Variants in SPZ1 observed in about 807,000 individuals in gnomAD.
SPZ1 encodes spermatogenic leucine zipper 1.
For missense variants in SPZ1, 408 were observed against 486.2 expected, an observed-to-expected ratio of 0.84 and a Z score of 1.51; for synonymous variants, 160 against 167.6, an observed-to-expected ratio of 0.95 and a Z score of 0.35.
At position 80,320,404 on chromosome 5, in the gene SPZ1, A is replaced by G. The variant is rs1427780846; in HGVS notation, c.189A>G (p.Gln63=). Reference sequence around the variant, plus strand: ...ATAGCAGCCATCAAGTTACAGAACAACAGACTGCACAGAAGTTTAACAATC... The same window carrying G: ...ATAGCAGCCATCAAGTTACAGAACAGCAGACTGCACAGAAGTTTAACAATC... The part of the protein sequence containing the change: ...LKNSSHQVTE[Q]QTAQKFNNLL... Residue 63 remains glutamine (Q), a synonymous_variant, in exon 1 of 1, where the codon CAA becomes CAG. Transcript: ENST00000296739. 5 of 1,614,114 alleles carry G rather than the reference A, an allele frequency of 3.1e-6. No individual in the cohort carries two copies. Among genetic ancestry groups the G allele is most frequent in the Non-Finnish European group, 4.2e-6 (5 of 1,180,032 alleles).
chr5:80,321,422 A>G lies in SPZ1; in HGVS notation c.1207A>G (p.Lys403Glu). Residue 403 changes from lysine to glutamate, a missense_variant, in exon 1 of 1, where the codon AAG (lysine) becomes GAG (glutamate). By Grantham distance (56) the Lys-to-Glu change is moderately conservative. Transcript: ENST00000296739. ...TAGAAGCCTGGATGTTTGTCTTAAT[A>G]AGAAAGCTTGCAATACCCAGTTCAA... The part of the protein sequence containing the change: ...SCRSLDVCLN[K>E]KACNTQFNIH... The G allele has an allele frequency of 1.2e-6, 2 of 1,611,398 alleles. No individual in the cohort carries two copies. Among genetic ancestry groups the G allele is most frequent in the South Asian group, 2.2e-5 (2 of 90,268 alleles).
In SPZ1 at chr5:80,320,748, G is replaced by A. The variant is rs1416231483; in HGVS notation, c.533G>A (p.Ser178Asn). 1 of 1,613,672 alleles carries A rather than the reference G, an allele frequency of 6.2e-7. No individual in the cohort carries two copies. Among genetic ancestry groups the A allele is most frequent in the Admixed American group, 1.7e-5 (1 of 59,964 alleles). ...ATGTTATCAACAAACCTGCCTGTTA[G>A]TTTAGCCCCAGAGAAAGAAGACAAT... ...NEMLSTNLPV[S>N]LAPEKEDNEK... Residue 178 changes from serine to asparagine, a missense_variant, in exon 1 of 1, where the codon AGT becomes AAT. Ser to Asn is a conservative substitution (Grantham distance 46). Transcript: ENST00000296739.
Position 80,320,811 on chromosome 5 carries a change from C to T in SPZ1, c.596C>T (p.Ser199Phe). ...KQQMIMENQN[S>F]ENTAQVFARD... The stretch of plus-strand genomic sequence containing the variant: ...CAGATGATAATGGAAAACCAGAACT[C>T]TGAGAACACCGCACAAGTTTTTGCA... The change falls in exon 1 of 1, where the codon TCT becomes TTT. Residue 199 changes from serine (S) to phenylalanine (F), a missense_variant. Physicochemically the swap from Ser to Phe is radical, Grantham distance 155 (BLOSUM62 -2). Transcript: ENST00000296739. 6.2e-7 allele frequency: 1 copy of T among 1,614,126 alleles called. No homozygotes were observed. The highest frequency in any genetic ancestry group is 8.5e-7 in the Non-Finnish European group (1 of 1,180,036).
Position 80,320,596 on chromosome 5 carries a change from G to T in SPZ1, c.381G>T (p.Leu127=). 4 of 1,613,114 alleles carry T rather than the reference G, an allele frequency of 2.5e-6. No homozygotes were observed. Among genetic ancestry groups the T allele is most frequent in the Non-Finnish European group, 3.4e-6 (4 of 1,179,714 alleles). The change falls in exon 1 of 1, where the codon CTG becomes CTT. Residue 127 remains leucine, a synonymous_variant. Coordinates refer to ENST00000296739, the MANE Select transcript of SPZ1 (RefSeq NM_032567.4). The stretch of plus-strand genomic sequence containing the variant: ...TCAATGAAATGTTATCAACAAACCT[G>T]CCTGTTAGTTTAGCCCCAGAGAAAG... ...DKINEMLSTN[L]PVSLAPEKED...
rs752776369 is a variant in SPZ1 at position 80,320,878 on chromosome 5, C to G, written c.663C>G (p.Asn221Lys). The change falls in exon 1 of 1, where the codon AAC becomes AAG. Residue 221 changes from asparagine (N) to lysine (K), a missense_variant. Coordinates refer to ENST00000296739, the MANE Select transcript of SPZ1 (RefSeq NM_032567.4). ...VNRLEEKKVL[N>K]ETQQSQEKAK... ...GTTTAGAAGAAAAAAAAGTCCTTAA[C>G]GAAACTCAACAAAGTCAGGAAAAAG... 6.2e-7 allele frequency: 1 copy of G among 1,611,360 alleles called. No individual in the cohort carries two copies. The highest frequency in any genetic ancestry group is 8.5e-7 in the Non-Finnish European group (1 of 1,179,550).
Position 80,321,373 on chromosome 5 carries a change from A to G in SPZ1, c.1158A>G (p.Thr386=). ...YKQNKQAMKG[T]FWKKDRSCRS... is the part of the protein sequence containing the mutation. ...AGAACAAGCAAGCAATGAAGGGTAC[A>G]TTTTGGAAAAAAGACAGATCCTGTA... The change falls in exon 1 of 1, where the codon ACA becomes ACG. Residue 386 remains threonine, a synonymous_variant. Transcript: ENST00000296739. 1 of 1,613,836 alleles carries G rather than the reference A, an allele frequency of 6.2e-7. No homozygotes were observed. Among genetic ancestry groups the G allele is most frequent in the Middle Eastern group, 1.7e-4 (1 of 6,060 alleles).
In SPZ1 at chr5:80,320,326, C is replaced by A; in HGVS notation, c.111C>A (p.Phe37Leu). ...YLDPRITIALFEIGSHSPSSW... is the reference protein window; with the variant it reads ...YLDPRITIALLEIGSHSPSSW... ...ACCCTAGGATTACCATTGCCTTATT[C>A]GAAATTGGATCACATTCCCCTTCCT... The change falls in exon 1 of 1, where the codon TTC becomes TTA. Residue 37 changes from phenylalanine (F) to leucine (L), a missense_variant. Coordinates refer to ENST00000296739, the MANE Select transcript of SPZ1 (RefSeq NM_032567.4). 3 of 1,614,052 alleles carry A rather than the reference C, an allele frequency of 1.9e-6. No individual in the cohort carries two copies. The highest frequency in any genetic ancestry group is 2.5e-6 in the Non-Finnish European group (3 of 1,179,990).
In SPZ1 at chr5:80,320,767, A is replaced by G; in HGVS notation, c.552A>G (p.Glu184=). The part of the protein sequence containing the change: ...NLPVSLAPEK[E]DNEKKQQMIM... ...CTGTTAGTTTAGCCCCAGAGAAAGA[A>G]GACAATGAAAAGAAACAGCAGATGA... Residue 184 remains glutamate (E), a synonymous_variant, in exon 1 of 1, where the codon GAA becomes GAG. Transcript: ENST00000296739. 2.5e-6 allele frequency: 4 copies of G among 1,614,190 alleles called. No individual in the cohort carries two copies. The highest frequency in any genetic ancestry group is 2.2e-5 in the South Asian group (2 of 91,060).
Position 80,321,295 on chromosome 5 carries a change from G to A in SPZ1, c.1080G>A (p.Gln360=). 6.2e-7 allele frequency: 1 copy of A among 1,610,404 alleles called. No individual in the cohort carries two copies. The highest frequency in any genetic ancestry group is 8.5e-7 in the Non-Finnish European group (1 of 1,179,192). ...QEKPIQINYK[Q]DKKNQKPSEA... ...AGCCAATTCAGATAAACTATAAACA[G>A]GACAAGAAAAATCAGAAGCCATCAG... Residue 360 remains glutamine (Q), a synonymous_variant, in exon 1 of 1, where the codon CAG becomes CAA. Transcript: ENST00000296739.
At position 80,321,562 on chromosome 5, in the gene SPZ1, C is replaced by T. The variant is rs1743555965; in HGVS notation, c.*54C>T. ...ATCCTTAAAAAACTACATCTGTTAC[C>T]TCCAACTTGTCAGTCATGATCAATC... On this transcript the variant is annotated 3_prime_UTR_variant, in exon 1 of 1. Transcript: ENST00000296739. 7.3e-7 allele frequency: 1 copy of T among 1,374,100 alleles called. No homozygotes were observed. The highest frequency in any genetic ancestry group is 9.9e-7 in the Non-Finnish European group (1 of 1,010,788). 85.1% of individuals were successfully genotyped at this position (1,374,100 alleles called of 1,614,324 possible). A position where few individuals can be genotyped will look rare whatever the true frequency, so the allele number is the denominator to read the frequency against.
chr5:80,320,930 G>C lies in SPZ1; in HGVS notation c.715G>C (p.Glu239Gln). Residue 239 changes from glutamate (E) to glutamine (Q), a missense_variant, in exon 1 of 1, where the codon GAA (glutamate) becomes CAA (glutamine). Transcript: ENST00000296739. ...AAAAAACAGACTTAATGTTCAAGAA[G>C]AAACTATGAAAATTAGGAACAACAT... Reference protein sequence around the residue: ...KAKNRLNVQEETMKIRNNMEQ... With the variant: ...KAKNRLNVQEQTMKIRNNMEQ... 1 of 1,609,928 alleles carries C rather than the reference G, an allele frequency of 6.2e-7. No individual in the cohort carries two copies. Among genetic ancestry groups the C allele is most frequent in the Non-Finnish European group, 8.5e-7 (1 of 1,179,196 alleles).
Position 80,321,296 on chromosome 5 carries a change from G to A in SPZ1, c.1081G>A (p.Asp361Asn), listed in dbSNP as rs756525360. 2.5e-6 allele frequency: 4 copies of A among 1,610,548 alleles called. No individual in the cohort carries two copies. The highest frequency in any genetic ancestry group is 1.1e-5 in the South Asian group (1 of 90,160). ...EKPIQINYKQ[D>N]KKNQKPSEAK... is the part of the protein sequence containing the mutation. ...GCCAATTCAGATAAACTATAAACAG[G>A]ACAAGAAAAATCAGAAGCCATCAGA... Residue 361 changes from aspartate (D) to asparagine (N), a missense_variant, in exon 1 of 1, where the codon GAC (aspartate) becomes AAC (asparagine). Coordinates refer to ENST00000296739, the MANE Select transcript of SPZ1 (RefSeq NM_032567.4).
At position 80,320,210 on chromosome 5, in the gene SPZ1, G is replaced by C. The variant is rs1366815619; in HGVS notation, c.-6G>C. ...CTCTAAAGTTTTCTGCTTTCCTTCT[G>C]TCCTGATGGCCAGCTCTGCTAAGTC... On this transcript the variant is annotated 5_prime_UTR_variant, in exon 1 of 1. Coordinates refer to ENST00000296739, the MANE Select transcript of SPZ1 (RefSeq NM_032567.4). The C allele has an allele frequency of 1.9e-6, 3 of 1,601,890 alleles. No individual in the cohort carries two copies. Among genetic ancestry groups the C allele is most frequent in the Non-Finnish European group, 2.6e-6 (3 of 1,174,828 alleles).
chr5:80,320,173 C>A lies in SPZ1; in HGVS notation c.-43C>A, dbSNP rs1743524115. 6.7e-7 allele frequency: 1 copy of A among 1,489,404 alleles called. No homozygotes were observed. The highest frequency in any genetic ancestry group is 9.1e-7 in the Non-Finnish European group (1 of 1,095,988). The allele number at this position is 1,489,404 out of a possible 1,614,324, so 92.3% of individuals were successfully genotyped here. A position where few individuals can be genotyped will look rare whatever the true frequency, so the allele number is the denominator to read the frequency against. On this transcript the variant is annotated 5_prime_UTR_variant, in exon 1 of 1. Transcript: ENST00000296739. ...ATTTGCACAAAGGACCATCACCTGT[C>A]CTTCCTGGAATCTCTAAAGTTTTCT...
rs898776433 is a variant in SPZ1 at position 80,321,513 on chromosome 5, T to C, written c.*5T>C. ...TCAGCTAGCAGCCTAAGATAGAAAA[T>C]ACCAAAAGCAGATGAAAAGGTGAAT... On this transcript the variant is annotated 3_prime_UTR_variant, in exon 1 of 1. Coordinates refer to ENST00000296739, the MANE Select transcript of SPZ1 (RefSeq NM_032567.4). 6.4e-7 allele frequency: 1 copy of C among 1,554,652 alleles called. No individual in the cohort carries two copies. The highest frequency in any genetic ancestry group is 8.6e-7 in the Non-Finnish European group (1 of 1,158,066).
In SPZ1 at chr5:80,320,358, G is replaced by A. The variant is rs758820365; in HGVS notation, c.143G>A (p.Gly48Asp). 2.1e-5 allele frequency: 34 copies of A among 1,613,942 alleles called. No individual in the cohort carries two copies. In the Admixed American group the frequency reaches 5.7e-4, roughly 27 times the overall value. Residue 48 changes from glycine to aspartate, a missense_variant, in exon 1 of 1, where the codon GGC (glycine) becomes GAC (aspartate). By Grantham distance (94) the Gly-to-Asp change is moderately conservative (BLOSUM62 -1). Transcript: ENST00000296739. ...GGATCACATTCCCCTTCCTCCTGGG[G>A]CTCTCTCCCTTTCCTAAAGAATAGC... is the stretch of plus-strand genomic sequence containing the variant. The part of the protein sequence containing the change: ...EIGSHSPSSW[G>D]SLPFLKNSSH...
In SPZ1 at chr5:80,320,679, C is replaced by T; in HGVS notation, c.464C>T (p.Ser155Leu). 1 of 1,613,520 alleles carries T rather than the reference C, an allele frequency of 6.2e-7. No homozygotes were observed. The part of the protein sequence containing the change: ...ILETNITEDV[S>L]AHKENIRGLD... ...GAAACCAATATTACTGAGGATGTGT[C>T]AGCCCACAAAGAAAATATCAGAGGA... Residue 155 changes from serine to leucine, a missense_variant, in exon 1 of 1, where the codon TCA becomes TTA. Coordinates refer to ENST00000296739, the MANE Select transcript of SPZ1 (RefSeq NM_032567.4).
Position 80,321,613 on chromosome 5 carries a change from T to C in SPZ1, c.*105T>C. 1.2e-6 allele frequency: 1 copy of C among 836,212 alleles called. No individual in the cohort carries two copies. The highest frequency in any genetic ancestry group is 1.8e-6 in the Non-Finnish European group (1 of 546,262). 51.8% of individuals were successfully genotyped at this position (836,212 alleles called of 1,614,324 possible). On this transcript the variant is annotated 3_prime_UTR_variant, in exon 1 of 1. Transcript: ENST00000296739. The stretch of plus-strand genomic sequence containing the variant: ...ATCAAACCTTGGGCAGATCTGCTGG[T>C]TCAACCAAGAAAGAGCTATAGAATA...
Position 80,321,734 on chromosome 5 carries a change from C to T in SPZ1, c.*226C>T, listed in dbSNP as rs1264691327. 5.6e-6 allele frequency: 2 copies of T among 356,346 alleles called. No individual in the cohort carries two copies. The highest frequency in any genetic ancestry group is 1.0e-5 in the Non-Finnish European group (2 of 191,518). The allele number at this position is 356,346 out of a possible 1,614,324, so 22.1% of individuals were successfully genotyped here. ...CTACATCAAGTTCATAACTTTTCAC[C>T]TTTACAATCTGCTTGTTTTTTTTGT... On this transcript the variant is annotated 3_prime_UTR_variant, in exon 1 of 1. Transcript: ENST00000296739.
Sources: allele counts gnomAD v4.1 joint callset, GRCh38; gene constraint gnomAD v4.1.1; transcripts MANE v1.5; gene names NCBI Gene and HGNC (gene_info 2026-07-23, HGNC 2026-07-21).